Variants in INTS6 observed in about 807,000 individuals in gnomAD.
INTS6 encodes the protein integrator complex subunit 6.
In INTS6, 16 loss-of-function variants were observed where a neutral mutation model predicts 104.9. That is an observed-to-expected ratio of 0.15 (90% CI 0.10 to 0.23). The LOEUF is 0.23. INTS6 is among the 10% of genes least tolerant of loss of function. The pLI is 1.00. For missense variants in INTS6, 584 were observed against 1,062.8 expected (o/e 0.55, Z 6.26); for synonymous variants, 324 against 358.7 (o/e 0.90, Z 1.09).
intron 5 of INTS6, among the ~76,000 whole-genome samples, chr13:51,390,320 T>A (rs1956222572): frequency 6.6e-6 from 1 of 151,970 alleles, no homozygotes. Flanking sequence ...ATCTCATTAG[T>A]AATTTTAAAA....
chr13:51,374,928 G>T, intron 13 of INTS6, 132 bp from the exon 14 acceptor site: 2 of 897,910 alleles, frequency 2.2e-6, no homozygotes. Context: ...AATTTGTTTG[G>T]TGCAATTATA....
intron 5 of INTS6, among the ~76,000 whole-genome samples, chr13:51,393,604 T>C (rs894291618): frequency 2.6e-5 from 4 of 152,126 alleles, no homozygotes; most frequent in Non-Finnish European, 1.5e-5. Context: ...AGTAAGAGCA[T>C]GAAAAGGGGC....
At position 51,374,207 on chromosome 13, in the gene INTS6, C is replaced by T; in HGVS notation, c.2104+1G>A. ...ATGTTTAAGAAAAAAACAATTCTTACTTTTATGAAGAGGAAGAGGTTTAAT... is the reference window on the plus strand; with the variant it reads ...ATGTTTAAGAAAAAAACAATTCTTATTTTTATGAAGAGGAAGAGGTTTAAT... On this transcript the variant is annotated splice_donor_variant, in intron 15 of 17. Coordinates refer to ENST00000311234, the MANE Select transcript of INTS6 (RefSeq NM_012141.3). LOFTEE classifies it high-confidence loss of function. The T allele has an allele frequency of 6.2e-7, 1 of 1,608,094 alleles. No individual in the cohort carries two copies. Among genetic ancestry groups the T allele is most frequent in the Non-Finnish European group, 8.5e-7 (1 of 1,175,476 alleles).
intron 3 of INTS6, chr13:51,444,240 A>AC (rs1318273179): frequency 1.2e-5 from 1 of 85,974 alleles, no homozygotes; most frequent in East Asian, 3.6e-4. Flanking sequence ...ACATGCCACC[A>AC]CCCCCCAGCT....
intron 9 of INTS6, among the ~76,000 whole-genome samples, chr13:51,382,495 G>A (rs1200508771): frequency 6.6e-6 from 1 of 152,160 alleles, no homozygotes; most frequent in African/African-American, 2.4e-5. Flanking sequence ...TTCATGGAAG[G>A]TAAGTTTTCT....
At position 51,367,810 on chromosome 13, in the gene INTS6, T is replaced by C. The variant is rs1016895168; in HGVS notation, c.2565A>G (p.Ala855=). The change falls in exon 17 of 18, where the codon GCA becomes GCG. Residue 855 remains alanine, a synonymous_variant. Coordinates refer to ENST00000311234, the MANE Select transcript of INTS6 (RefSeq NM_012141.3). ...ATATGCAATAGTTTATTTACCTTGA[T>C]GCTTCTTTAATGACATTTTGTAAAA... ...LIFLQNVIKE[A]SRFKKRMLIE... 6.4e-7 allele frequency: 1 copy of C among 1,551,708 alleles called. No homozygotes were observed. The highest frequency in any genetic ancestry group is 1.4e-5 in the African/African-American group (1 of 73,372).
intron 4 of INTS6, among the ~76,000 whole-genome samples, chr13:51,399,206 T>C (rs1956391846): frequency 6.7e-6 from 1 of 148,836 alleles, no homozygotes; most frequent in South Asian, 2.2e-4. Flanking sequence ...CTGTATATCA[T>C]AATTAGTTTT....
At chr13:51,411,715 T>G (rs1385379215) in intron 4 of INTS6, among the ~76,000 whole-genome samples, 1 of 152,204 alleles carries the variant, frequency 6.6e-6, no homozygotes, top group African/African-American at 2.4e-5. Context: ...CATACATTCC[T>G]GGTTGGAATA....
At position 51,452,303 on chromosome 13, in the gene INTS6, CGGCAGCTCCCGCA is replaced by C; in HGVS notation, c.111+99_111+111del. The C allele has an allele frequency of 9.0e-7, 1 of 1,105,802 alleles. No homozygotes were observed. Among genetic ancestry groups the C allele is most frequent in the South Asian group, 4.2e-5 (1 of 23,916 alleles). The allele number at this position is 1,105,802 out of a possible 1,614,324, so 68.5% of individuals were successfully genotyped here. Reference sequence around the variant, plus strand: ...CGGTGGGGGAGGGGGTCCCCGAGCCCGGCAGCTCCCGCAGTCAGGTCCCCGACACCCCCGCCCC... The same window carrying C: ...CGGTGGGGGAGGGGGTCCCCGAGCCCGTCAGGTCCCCGACACCCCCGCCCC... On this transcript the variant is annotated intron_variant, in intron 1 of 17. Transcript: ENST00000311234. This position sits in a 1 kb window ranked among gnomAD's most constrained non-coding sequence, Gnocchi z 4.2.
chr13:51,429,800 A>ATATATATATATG (rs1957058588), intron 4 of INTS6, among the ~76,000 whole-genome samples: 1 of 136,960 alleles, frequency 7.3e-6, no homozygotes, highest in East Asian at 2.3e-4. Context: ...ATATATATAT[A>ATATATATATATG]TATATATATG....
chr13:51,358,423 C>A (rs1955514291), downstream of INTS6, among the ~76,000 whole-genome samples: 1 of 152,128 alleles, frequency 6.6e-6, no homozygotes, highest in Non-Finnish European at 1.5e-5. Context: ...ACCAGCCATA[C>A]ACAAAGAATA....
intron 10 of INTS6, among the ~76,000 whole-genome samples, chr13:51,380,422 A>G (rs900397015): frequency 3.3e-5 from 5 of 152,196 alleles, no homozygotes; most frequent in African/African-American, 1.2e-4. Context: ...ATCAAATCCC[A>G]GCCCTGATAT....
intron 4 of INTS6, among the ~76,000 whole-genome samples, chr13:51,404,103 C>CACACACACAGAGAGAG (rs1491389220): frequency 2.9e-5 from 3 of 103,954 alleles, no homozygotes; most frequent in Admixed American, 9.3e-5. Flanking sequence ...CACACACACA[C>CACACACACAGAGAGAG]AGAGAGAGAG....
chr13:51,408,091 A>G (rs1001419739), intron 4 of INTS6, among the ~76,000 whole-genome samples: 5 of 151,900 alleles, frequency 3.3e-5, no homozygotes, highest in Non-Finnish European at 7.4e-5. Context: ...ATAATAGCCC[A>G]AATTATTCAG....
chr13:51,434,049 G>A (rs1957143614), intron 3 of INTS6, among the ~76,000 whole-genome samples: 1 of 152,094 alleles, frequency 6.6e-6, no homozygotes. Flanking sequence ...AGGTCCTATT[G>A]GCAGCTGCTA....
At chr13:51,400,069 A>C (rs1392722319) in intron 4 of INTS6, among the ~76,000 whole-genome samples, 1 of 152,194 alleles carries the variant, frequency 6.6e-6, no homozygotes, top group Admixed American at 6.5e-5. Context: ...TAGGAGCATG[A>C]ACCCTATTGT....
intron 4 of INTS6, among the ~76,000 whole-genome samples, chr13:51,397,094 T>C (rs1399412919): frequency 6.6e-6 from 1 of 152,192 alleles, no homozygotes; most frequent in Non-Finnish European, 1.5e-5. Context: ...AAATTAATTG[T>C]CATTTTTTAT....
intron 5 of INTS6, among the ~76,000 whole-genome samples, chr13:51,393,678 G>C (rs562473366): frequency 1.3e-5 from 2 of 152,244 alleles, no homozygotes; most frequent in Non-Finnish European, 2.9e-5. Context: ...CTAATTTCTT[G>C]ACTAAGATTT....
the INTS6 span, chr13:51,340,815 G>C: frequency 1.9e-6 from 1 of 528,250 alleles, no homozygotes; most frequent in Non-Finnish European, 3.4e-6. Context: ...CCAGTAAGTG[G>C]CCGAAGCAGA....
Sources: gnomAD v4.1 joint callset for allele counts (sites outside exome capture counted in the v4.1 genomes callset) on GRCh38, gnomAD v4.1.1 for gene constraint, Gnocchi (gnomAD v3.1) non-coding constraint, MANE v1.5 for transcripts, NCBI Gene and HGNC (gene_info 2026-07-23, HGNC 2026-07-21) for gene names.